Variants in GNG7 observed in about 807,000 individuals in gnomAD.
GNG7 encodes the protein G protein subunit gamma 7.
GNG7 carries 1 observed loss-of-function variant against 4.0 expected under a neutral mutation model. That is an observed-to-expected ratio of 0.25 (90% CI 0.09 to 1.18). The LOEUF (loss-of-function observed/expected upper bound fraction) is 1.18, where lower values mean the gene tolerates loss of function less well. GNG7 is among the 50% of genes most tolerant of loss of function. The pLI is 0.50. For missense variants in GNG7, 86 were observed against 91.9 expected (o/e 0.94, Z 0.26); for synonymous variants, 34 against 36.9 (o/e 0.92, Z 0.29).
intron 2 of GNG7, among the ~76,000 whole-genome samples, chr19:2,571,019 C>G (rs12980725): frequency 6.6e-6 from 1 of 151,244 alleles, no homozygotes; most frequent in East Asian, 1.9e-4. Context: ...CCAGGTGGGT[C>G]TCAAACTCTT....
chr19:2,600,597 A>G (rs1278834928), intron 2 of GNG7, among the ~76,000 whole-genome samples: 1 of 150,760 alleles, frequency 6.6e-6, no homozygotes, highest in Non-Finnish European at 1.5e-5. Flanking sequence ...TCAGCCTCCC[A>G]AGTAGCTGGG....
rs1982887406 is a variant in GNG7, at chr19:2,653,642, CG to C, written c.-134-7363del. Among the ~76,000 whole-genome samples, 1 of 152,154 alleles carries C rather than the reference CG, an allele frequency of 6.6e-6. No homozygotes were observed. The highest frequency in any genetic ancestry group is 6.5e-5 in the Admixed American group (1 of 15,278). ...TGGGGTGGGGCTGTCCTGGGCACTG[CG>C]GGGAGCTGAGCAGCGTCCCTGGCCT... On this transcript the variant is annotated intron_variant, in intron 1 of 4. Transcript: ENST00000382159. The surrounding 1 kb of genome is among the most constrained non-coding windows in gnomAD (Gnocchi z 4.8).
chr19:2,595,061 A>C (rs1484492117), intron 2 of GNG7: 3 of 151,796 alleles, frequency 2.0e-5, no homozygotes, highest in Admixed American at 6.6e-5. Context: ...TCAAGGTTGC[A>C]GTGAACCATG....
chr19:2,543,804 C>T (rs1024029557), intron 3 of GNG7, among the ~76,000 whole-genome samples: 5 of 152,122 alleles, frequency 3.3e-5, no homozygotes, highest in Non-Finnish European at 5.9e-5. Context: ...TTGTGTGGCG[C>T]GGCGTGCCGG....
At chr19:2,604,520 G>GGAGGGAGGGAGGGAGC (rs959963680) in intron 2 of GNG7, among the ~76,000 whole-genome samples, 3 of 146,272 alleles carry the variant, frequency 2.1e-5, no homozygotes, top group Admixed American at 6.8e-5. Flanking sequence ...AGCGAGGGAG[G>GGAGGGAGGGAGGGAGC]GAGGGAGGGA....
rs576689387 is a variant in GNG7 at position 2,653,100 on chromosome 19, A to T, written c.-134-6820T>A. Among the ~76,000 whole-genome samples the T allele has an allele frequency of 1.3e-5, 2 of 152,268 alleles. No individual in the cohort carries two copies. The highest frequency in any genetic ancestry group is 4.2e-4 in the South Asian group (2 of 4,818). The stretch of plus-strand genomic sequence containing the variant: ...AGCAAGACTCTGACTCAAATAAATA[A>T]ATCAAAATAAAATAAAATAAATAAT... On this transcript the variant is annotated intron_variant, in intron 1 of 4. Transcript: ENST00000382159. The surrounding 1 kb of genome is among the most constrained non-coding windows in gnomAD (Gnocchi z 4.8).
intron 2 of GNG7, among the ~76,000 whole-genome samples, chr19:2,606,866 T>C (rs1030727973): frequency 6.6e-6 from 1 of 151,450 alleles, no homozygotes; most frequent in African/African-American, 2.4e-5. Flanking sequence ...ACTAGATAGA[T>C]AGTGCTGGTG....
At chr19:2,698,162 G>A (rs1164498843) in intron 1 of GNG7, among the ~76,000 whole-genome samples, 1 of 151,666 alleles carries the variant, frequency 6.6e-6, no homozygotes, top group Non-Finnish European at 1.5e-5. Context: ...AGCTACTCGG[G>A]AGGCTGAGGC....
intron 1 of GNG7, among the ~76,000 whole-genome samples, chr19:2,680,430 A>G (rs894188591): frequency 2.6e-4 from 39 of 152,222 alleles, no homozygotes; most frequent in Non-Finnish European, 4.3e-4. Flanking sequence ...GATTACAGGC[A>G]TGAGCCACCT....
intron 4 of GNG7, among the ~76,000 whole-genome samples, chr19:2,518,012 T>C (rs1176394385): frequency 6.6e-6 from 1 of 152,150 alleles, no homozygotes; most frequent in Non-Finnish European, 1.5e-5. Flanking sequence ...TCTAGACTTC[T>C]ATTTGGGAAG....
At chr19:2,608,000 G>A (rs985980855) in intron 2 of GNG7, among the ~76,000 whole-genome samples, 10 of 148,716 alleles carry the variant, frequency 6.7e-5, no homozygotes, top group Admixed American at 5.4e-4. Context: ...GTTCACCTGC[G>A]ACCTGAGACG....
intron 3 of GNG7, among the ~76,000 whole-genome samples, chr19:2,530,592 T>C (rs1375843691): frequency 6.7e-6 from 1 of 149,072 alleles, no homozygotes; most frequent in Non-Finnish European, 1.5e-5. Flanking sequence ...TGGTGGCGGG[T>C]GCCTGTAGTC....
At chr19:2,568,214 TACAG>T (rs1241682958) in intron 2 of GNG7, among the ~76,000 whole-genome samples, 1 of 131,808 alleles carries the variant, frequency 7.6e-6, no homozygotes, top group East Asian at 2.3e-4. Flanking sequence ...GACATACACA[TACAG>T]ACATGCACAC....
intron 2 of GNG7, among the ~76,000 whole-genome samples, chr19:2,624,106 G>A (rs557496713): frequency 6.6e-6 from 1 of 152,198 alleles, no homozygotes; most frequent in South Asian, 2.1e-4. Context: ...CTGGGAAGAT[G>A]GAAAGTTCTG....
chr19:2,596,720 G>A (rs950970507), intron 2 of GNG7, among the ~76,000 whole-genome samples: 2 of 149,046 alleles, frequency 1.3e-5, no homozygotes, highest in South Asian at 4.3e-4. Context: ...CTCCTTTCAC[G>A]TTCTGCACTG....
chr19:2,651,419 T>G (rs894409565), intron 1 of GNG7, among the ~76,000 whole-genome samples: 4 of 127,422 alleles, frequency 3.1e-5, no homozygotes, highest in Admixed American at 7.8e-5. Context: ...CTTCCCTCCT[T>G]CCTTTCTTCC....
intron 2 of GNG7, among the ~76,000 whole-genome samples, chr19:2,565,840 G>A (rs1022290178): frequency 8.5e-5 from 13 of 152,094 alleles, no homozygotes; most frequent in African/African-American, 2.9e-4. Flanking sequence ...GGGGACGGGC[G>A]GAATGATGTG....
intron 2 of GNG7, chr19:2,642,292 G>C: frequency 5.2e-6 from 1 of 191,944 alleles, no homozygotes; most frequent in East Asian, 1.2e-4. Context: ...TTCTTGCTGA[G>C]AATTGCCGTA....
At chr19:2,559,834 T>C (rs1979686231) in intron 2 of GNG7, among the ~76,000 whole-genome samples, 2 of 120,112 alleles carry the variant, frequency 1.7e-5, no homozygotes, top group South Asian at 4.5e-4. Flanking sequence ...CTTGAATGCC[T>C]ATCGATGATG....
Sources: gnomAD v4.1 joint callset for allele counts (sites outside exome capture counted in the v4.1 genomes callset) on GRCh38, gnomAD v4.1.1 for gene constraint, Gnocchi (gnomAD v3.1) non-coding constraint, MANE v1.5 for transcripts, NCBI Gene and HGNC (gene_info 2026-07-23, HGNC 2026-07-21) for gene names.